Variants in IGSF10 observed in about 807,000 individuals in gnomAD.
IGSF10 encodes the protein immunoglobulin superfamily member 10.
In IGSF10, 126 loss-of-function variants were observed where a neutral mutation model predicts 128.2. That is an observed-to-expected ratio of 0.98 (90% CI 0.85 to 1.14). The LOEUF (loss-of-function observed/expected upper bound fraction) is 1.14. Among genes scored for constraint, IGSF10 ranks in the 50% most tolerant of loss-of-function variants. The probability of loss-of-function intolerance (pLI) is 0.00; values close to 1 mark genes in which losing one functional copy is unlikely to be tolerated. For missense variants in IGSF10, 3,295 were observed against 3,149.8 expected (o/e 1.05, Z -1.10); for synonymous variants, 1,185 against 1,146.2 (o/e 1.03, Z -0.68).
At chr3:151,560,108 T>G in the IGSF10 span, among the ~76,000 whole-genome samples, 1 of 152,100 alleles carries the variant, frequency 6.6e-6, no homozygotes, top group Non-Finnish European at 1.5e-5. Flanking sequence ...GCCTTTTTGG[T>G]ATATTGATTA....
chr3:151,484,268 T>C, the IGSF10 span, among the ~76,000 whole-genome samples: 2 of 152,278 alleles, frequency 1.3e-5, no homozygotes. Flanking sequence ...CTCTCAGAGC[T>C]GGGCATCTCT....
chr3:151,437,772 A>C lies in IGSF10; in HGVS notation c.6789T>G (p.Ala2263=). 1 of 1,613,844 alleles carries C rather than the reference A, an allele frequency of 6.2e-7. No individual in the cohort carries two copies. Among genetic ancestry groups the C allele is most frequent in the Non-Finnish European group, 8.5e-7 (1 of 1,179,946 alleles). ...RHSKKHFDCR[A]EGTPSPEVMW... The stretch of plus-strand genomic sequence containing the variant: ...TGACTTCAGGAGATGGTGTCCCTTC[A>C]GCTCTGCAGTCAAAGTGTTTTTTGG... Residue 2263 remains alanine, a synonymous_variant, in exon 8 of 8, where the codon GCT becomes GCG. Transcript: ENST00000282466.
Position 151,446,830 on chromosome 3 carries a change from T to C in IGSF10, c.3151A>G (p.Thr1051Ala). 1.2e-6 allele frequency: 2 copies of C among 1,614,178 alleles called. No homozygotes were observed. The highest frequency in any genetic ancestry group is 1.1e-5 in the South Asian group (1 of 91,088). ...STTRGSSEKS[T>A]TAFSATVLNV... ...AGCACTGTGGCTGAGAATGCAGTAG[T>C]GCTTTTTTCAGAAGAACCTCTGGTT... Residue 1051 changes from threonine (T) to alanine (A), a missense_variant, in exon 6 of 8, where the codon ACT becomes GCT. By Grantham distance (58) the Thr-to-Ala change is moderately conservative. Coordinates refer to ENST00000282466, the MANE Select transcript of IGSF10 (RefSeq NM_178822.5).
At chr3:151,562,593 AC>A in the IGSF10 span, among the ~76,000 whole-genome samples, 1 of 152,104 alleles carries the variant, frequency 6.6e-6, no homozygotes, top group Non-Finnish European at 1.5e-5. Flanking sequence ...TGGTCAAACC[AC>A]CTCATTTTAA....
the IGSF10 span, among the ~76,000 whole-genome samples, chr3:151,602,262 C>G: frequency 6.6e-6 from 1 of 152,066 alleles, no homozygotes; most frequent in Non-Finnish European, 1.5e-5. Context: ...ATTGGATAAT[C>G]CTTTATGCAT....
In IGSF10 at chr3:151,438,442, A is replaced by G; in HGVS notation, c.6119T>C (p.Ile2040Thr). 12 of 1,614,140 alleles carry G rather than the reference A, an allele frequency of 7.4e-6. No individual in the cohort carries two copies. Among genetic ancestry groups the G allele is most frequent in the East Asian group, 2.2e-5 (1 of 44,856 alleles). Reference protein sequence around the residue: ...HVSLRLKPAKIDHKQYFRKQV... With the variant: ...HVSLRLKPAKTDHKQYFRKQV... ...CTTTCTAAAATACTGCTTGTGGTCA[A>G]TTTTGGCAGGTTTCAGTCTTAGGCT... Residue 2040 changes from isoleucine (I) to threonine (T), a missense_variant, in exon 8 of 8, where the codon ATT (isoleucine) becomes ACT (threonine). By Grantham distance (89) the Ile-to-Thr change is moderately conservative. Transcript: ENST00000282466.
chr3:151,484,091 C>T, the IGSF10 span, among the ~76,000 whole-genome samples: 2 of 152,204 alleles, frequency 1.3e-5, no homozygotes, highest in African/African-American at 4.8e-5. Context: ...TGAGCTCAAC[C>T]TGGAATGCTC....
chr3:151,443,868 C>G lies in IGSF10; in HGVS notation c.5079G>C (p.Lys1693Asn), dbSNP rs774195354. 1.3e-5 allele frequency: 20 copies of G among 1,594,926 alleles called. No homozygotes were observed. The South Asian group carries it at 2.2e-4, about 18-fold the overall frequency. ...TRVPSGLDLS[K>N]RKQNSRVQVL... ...CCTGGACCCTGCTATTCTGTTTCCT[C>G]TTAGATAAATCAAGTCCTGAGAAGA... is the stretch of plus-strand genomic sequence containing the variant. Residue 1693 changes from lysine (K) to asparagine (N), a missense_variant, in exon 7 of 8, where the codon AAG becomes AAC. Coordinates refer to ENST00000282466, the MANE Select transcript of IGSF10 (RefSeq NM_178822.5).
the IGSF10 span, among the ~76,000 whole-genome samples, chr3:151,614,365 T>C: frequency 1.3e-5 from 2 of 152,198 alleles, no homozygotes; most frequent in Admixed American, 6.5e-5. Context: ...TAAAGACACA[T>C]GCACACGTAT....
At chr3:151,469,313 C>T in the IGSF10 span, among the ~76,000 whole-genome samples, 1 of 152,148 alleles carries the variant, frequency 6.6e-6, no homozygotes, top group African/African-American at 2.4e-5. Context: ...GGAATTGCCA[C>T]AGTCTTCCAC....
chr3:151,501,966 G>C, the IGSF10 span, among the ~76,000 whole-genome samples: 1 of 151,992 alleles, frequency 6.6e-6, no homozygotes, highest in African/African-American at 2.4e-5. Context: ...TTAAATCAAG[G>C]AGTCCTAGAT....
Position 151,457,367 on chromosome 3 carries a change from C to G in IGSF10, c.195-212G>C, listed in dbSNP as rs1286347613. On this transcript the variant is annotated intron_variant, in intron 3 of 7. Coordinates refer to ENST00000282466, the MANE Select transcript of IGSF10 (RefSeq NM_178822.5). Reference sequence around the variant, plus strand: ...TGCCATTTCAGTTACAATCACCCCCCTCATATTCTGGGAACTTGTCACATT... The same window carrying G: ...TGCCATTTCAGTTACAATCACCCCCGTCATATTCTGGGAACTTGTCACATT... 2.0e-5 allele frequency among the ~76,000 whole-genome samples: 3 copies of G among 152,354 alleles called. No individual in the cohort carries two copies. In the East Asian group the frequency reaches 5.8e-4, roughly 29 times the overall value.
chr3:151,610,961 T>C, the IGSF10 span, among the ~76,000 whole-genome samples: 393 of 152,330 alleles, frequency 2.6e-3, 1 homozygote, highest in African/African-American at 9.2e-3. Context: ...GCATGCATTT[T>C]AGAGGATACA....
At chr3:151,525,472 C>T in the IGSF10 span, among the ~76,000 whole-genome samples, 131 of 151,746 alleles carry the variant, frequency 8.6e-4, no homozygotes, top group South Asian at 0.012. Flanking sequence ...TAAAAGAACA[C>T]AAGTCTATTA....
the IGSF10 span, among the ~76,000 whole-genome samples, chr3:151,608,886 A>C: frequency 6.6e-6 from 1 of 152,212 alleles, no homozygotes; most frequent in Non-Finnish European, 1.5e-5. Context: ...TCTTTAGATC[A>C]CTGATTCAAA....
intron 4 of IGSF10, among the ~76,000 whole-genome samples, chr3:151,456,509 T>C (rs1179896960): frequency 2.0e-5 from 3 of 152,224 alleles, no homozygotes. Context: ...CCCTTTATTC[T>C]TTTCTCTAGG....
chr3:151,570,184 G>A, the IGSF10 span, among the ~76,000 whole-genome samples: 10 of 152,188 alleles, frequency 6.6e-5, no homozygotes, highest in African/African-American at 1.4e-4. Context: ...GAATAGTGCC[G>A]CAATAAACAT....
At chr3:151,537,786 C>T in the IGSF10 span, among the ~76,000 whole-genome samples, 1 of 152,170 alleles carries the variant, frequency 6.6e-6, no homozygotes, top group Non-Finnish European at 1.5e-5. Context: ...AATAAACCTA[C>T]CTTCTTTCCC....
At chr3:151,530,615 A>AGCT in the IGSF10 span, among the ~76,000 whole-genome samples, 1 of 152,216 alleles carries the variant, frequency 6.6e-6, no homozygotes, top group Admixed American at 6.5e-5. Flanking sequence ...AACCAAACTA[A>AGCT]GCTTCATAAG....
Sources: allele counts gnomAD v4.1 joint callset (sites outside exome capture counted in the v4.1 genomes callset), GRCh38; gene constraint gnomAD v4.1.1; transcripts MANE v1.5; gene names NCBI Gene and HGNC (gene_info 2026-07-23, HGNC 2026-07-21).